The following CHAT variants were observed in gnomAD, a reference collection of about 807,000 sequenced individuals.
The protein encoded by CHAT is acetyl CoA:choline O-acetyltransferase.
A neutral mutation model predicts 76.9 loss-of-function variants in CHAT; 61 were observed. The ratio of observed to expected loss-of-function variants is 0.79; its 90% CI spans 0.65 to 0.98. CHAT has a LOEUF of 0.98. Ranked by LOEUF, CHAT falls within the 50% of genes least tolerant of loss-of-function variation. The pLI, the probability that CHAT is intolerant of heterozygous loss-of-function variation, is 0.00. For synonymous variants in CHAT, 407 were observed against 397.4 expected (o/e 1.02, Z -0.29); for missense variants, 946 against 986.9 (o/e 0.96, Z 0.56).
At position 49,649,538 on chromosome 10, in the gene CHAT, A is replaced by C. The variant is rs1389917244; in HGVS notation, c.1413A>C (p.Ala471=). Residue 471 remains alanine, a synonymous_variant, in exon 10 of 15, where the codon GCA becomes GCC. Transcript: ENST00000337653. ...AGAGCAGCAGGAAGCTGATCCGAGC[A>C]GACTCCGTCAGCGAGCTCCCCGCCC... ...VTQSSRKLIR[A]DSVSELPAPR... 1 of 1,613,884 alleles carries C rather than the reference A, an allele frequency of 6.2e-7. No individual in the cohort carries two copies. The highest frequency in any genetic ancestry group is 1.1e-5 in the South Asian group (1 of 91,084).
At chr10:49,621,975 A>T in intron 4 of CHAT, 122 bp from the exon 5 acceptor site, 3 of 1,027,980 alleles carry the variant, frequency 2.9e-6, no homozygotes, top group Non-Finnish European at 4.5e-6. Context: ...AGGGAGGGAG[A>T]AGGGAGGGAA....
chr10:49,648,603 C>G lies in CHAT; in HGVS notation c.1378C>G (p.His460Asp), dbSNP rs1839760566. 4 of 1,609,940 alleles carry G rather than the reference C, an allele frequency of 2.5e-6. No homozygotes were observed. The change falls in exon 9 of 15, where the codon CAC becomes GAC. Residue 460 changes from histidine (H) to aspartate (D), a missense_variant. His to Asp is a moderately conservative substitution (Grantham distance 81). Coordinates refer to ENST00000337653, the MANE Select transcript of CHAT (RefSeq NM_020549.5). ...LVQCTEHLLK[H>D]VTQSSRKLIR... ...GCAGTGCACTGAGCATCTGCTCAAG[C>G]ACGTGTGAGTCTGGATCCCAGGGCT...
intron 7 of CHAT, 51 bp from the exon 8 acceptor site, chr10:49,646,454 G>A: frequency 6.2e-7 from 1 of 1,609,002 alleles, no homozygotes; most frequent in Non-Finnish European, 8.5e-7. Flanking sequence ...GAGGAGGGAA[G>A]ACTGGCCTGG....
chr10:49,645,722 C>G (rs1287154918), intron 7 of CHAT, among the ~76,000 whole-genome samples: 1 of 152,200 alleles, frequency 6.6e-6, no homozygotes, highest in Non-Finnish European at 1.5e-5. Flanking sequence ...CCGTCCTTGT[C>G]TGTACTCTTC....
chr10:49,635,390 T>A (rs1201705201), intron 7 of CHAT, among the ~76,000 whole-genome samples: 1 of 152,236 alleles, frequency 6.6e-6, no homozygotes, highest in Admixed American at 6.5e-5. Flanking sequence ...ACTGTGAACA[T>A]TTGTGTACAG....
chr10:49,635,890 A>G (rs1183959287), intron 7 of CHAT, among the ~76,000 whole-genome samples: 1 of 152,106 alleles, frequency 6.6e-6, no homozygotes, highest in Admixed American at 6.5e-5. Context: ...TACTCTTACC[A>G]CTCTGTTTAA....
At chr10:49,622,732 A>G (rs150882801) in intron 5 of CHAT, among the ~76,000 whole-genome samples, 8 of 152,332 alleles carry the variant, frequency 5.3e-5, no homozygotes, top group Non-Finnish European at 8.8e-5. Flanking sequence ...CTCAAGGTAG[A>G]GACTATAAGG....
chr10:49,614,516 C>G (rs997205506), intron 1 of CHAT, 41 bp downstream of exon 1: 5 of 1,373,042 alleles, frequency 3.6e-6, no homozygotes, highest in East Asian at 3.3e-5. Flanking sequence ...AGCGCGGTGC[C>G]GGGAGCAAGG....
intron 13 of CHAT, among the ~76,000 whole-genome samples, chr10:49,655,975 A>G (rs1286662115): frequency 1.3e-5 from 2 of 152,214 alleles, no homozygotes; most frequent in Non-Finnish European, 2.9e-5. Context: ...GAAATAATTC[A>G]TTTTCTGGCA....
rs1226113847 is a variant in CHAT at position 49,648,588 on chromosome 10, G to C, written c.1363G>C (p.Glu455Gln). 6.2e-7 allele frequency: 1 copy of C among 1,613,058 alleles called. No individual in the cohort carries two copies. The highest frequency in any genetic ancestry group is 8.5e-7 in the Non-Finnish European group (1 of 1,179,174). Reference protein sequence around the residue: ...FDGIVLVQCTEHLLKHVTQSS... With the variant: ...FDGIVLVQCTQHLLKHVTQSS... ...TGGCATCGTCCTGGTGCAGTGCACT[G>C]AGCATCTGCTCAAGCACGTGTGAGT... is the stretch of plus-strand genomic sequence containing the variant. Residue 455 changes from glutamate (E) to glutamine (Q), a missense_variant, in exon 9 of 15, where the codon GAG becomes CAG. Coordinates refer to ENST00000337653, the MANE Select transcript of CHAT (RefSeq NM_020549.5).
At chr10:49,651,085 G>T (rs551619269) in intron 10 of CHAT, among the ~76,000 whole-genome samples, 1 of 152,186 alleles carries the variant, frequency 6.6e-6, no homozygotes. Flanking sequence ...GGGTCCTGAG[G>T]GGCCCATACA....
At chr10:49,629,975 C>G (rs1476719746) in intron 7 of CHAT, among the ~76,000 whole-genome samples, 1 of 152,142 alleles carries the variant, frequency 6.6e-6, no homozygotes, top group African/African-American at 2.4e-5. Flanking sequence ...GAGAACAATT[C>G]CTGGGCTTTT....
intron 7 of CHAT, among the ~76,000 whole-genome samples, chr10:49,643,385 C>T (rs1265601079): frequency 2.6e-5 from 4 of 152,212 alleles, no homozygotes; most frequent in African/African-American, 9.6e-5. Context: ...CATCCACCAC[C>T]CTGCACTACT....
intron 11 of CHAT, among the ~76,000 whole-genome samples, chr10:49,653,843 C>T (rs1839953697): frequency 6.6e-6 from 1 of 152,258 alleles, no homozygotes; most frequent in Non-Finnish European, 1.5e-5. Flanking sequence ...GACCTCTCTA[C>T]TATGAGCACT....
chr10:49,655,151 A>C lies in CHAT; in HGVS notation c.1691A>C (p.Glu564Ala). ...YESASIRRFQ[E>A]GRVDNIRSAT... ...AGCGCGTCCATCCGCCGATTCCAGG[A>C]GGGACGCGTGGACAACATCAGATCG... The change falls in exon 12 of 15, where the codon GAG becomes GCG. Residue 564 changes from glutamate (E) to alanine (A), a missense_variant. Coordinates refer to ENST00000337653, the MANE Select transcript of CHAT (RefSeq NM_020549.5). 1.2e-6 allele frequency: 2 copies of C among 1,613,970 alleles called. No individual in the cohort carries two copies. Among genetic ancestry groups the C allele is most frequent in the Non-Finnish European group, 1.7e-6 (2 of 1,179,996 alleles).
rs747261452 is a variant in CHAT, at chr10:49,664,932, G to A, written c.2133G>A (p.Val711=). 1 of 1,614,254 alleles carries A rather than the reference G, an allele frequency of 6.2e-7. No individual in the cohort carries two copies. Among genetic ancestry groups the A allele is most frequent in the Non-Finnish European group, 8.5e-7 (1 of 1,180,046 alleles). Residue 711 remains valine, a synonymous_variant, in exon 15 of 15, where the codon GTG becomes GTA. Transcript: ENST00000337653. The part of the protein sequence containing the change: ...ETSSSKFAKA[V]EESLIDMRDL... ...CTTCTAGCAAGTTTGCAAAAGCTGT[G>A]GAAGAAAGCCTCATTGACATGAGAG...
upstream of CHAT, chr10:49,610,735 G>T: frequency 6.6e-7 from 1 of 1,508,144 alleles, no homozygotes; most frequent in South Asian, 1.3e-5. Flanking sequence ...GCATCGGGGT[G>T]GGGGCATGGA....
At chr10:49,662,865 G>A (rs768768754) in intron 14 of CHAT, 83 bp downstream of exon 14, 45 of 1,547,026 alleles carry the variant, frequency 2.9e-5, no homozygotes, top group Middle Eastern at 1.7e-4. Flanking sequence ...CCACTAGCTG[G>A]AATCAGGCAA....
chr10:49,614,287 C>T lies in CHAT; in HGVS notation c.98C>T (p.Pro33Leu). The T allele has an allele frequency of 6.5e-7, 1 of 1,548,590 alleles. No individual in the cohort carries two copies. The highest frequency in any genetic ancestry group is 1.2e-5 in the South Asian group (1 of 83,914). Residue 33 changes from proline (P) to leucine (L), a missense_variant, in exon 1 of 15, where the codon CCA becomes CTA. By Grantham distance (98) the Pro-to-Leu change is moderately conservative. This residue lies in a region of CHAT where 548 missense variants were observed against 516.2 expected (regional missense o/e 1.06). Transcript: ENST00000337653. ...ACAAGAGGAAGGAGAGAAGTGCGGC[C>T]AGCTTGCTTTCTCCAGTCGGGTGGC... is the stretch of plus-strand genomic sequence containing the variant. The part of the protein sequence containing the change: ...GGTRGRREVR[P>L]ACFLQSGGRG...
Sources: allele counts gnomAD v4.1 joint callset (sites outside exome capture counted in the v4.1 genomes callset), GRCh38; gene constraint gnomAD v4.1.1; regional missense constraint gnomAD v4.1.1; transcripts MANE v1.5; gene names NCBI Gene and HGNC (gene_info 2026-07-23, HGNC 2026-07-21).